Variants in MAGI2 observed in about 807,000 individuals in gnomAD.
The protein encoded by MAGI2 is membrane associated guanylate kinase, WW and PDZ domain containing 2.
A neutral mutation model predicts 133.3 loss-of-function variants in MAGI2; 35 were observed. The observed-to-expected ratio is 0.26, with a 90% CI of 0.20 to 0.35. MAGI2 has a LOEUF of 0.35. MAGI2 is among the 10% of genes least tolerant of loss of function. The pLI, the probability that MAGI2 is intolerant of heterozygous loss-of-function variation, is 1.00. For synonymous variants in MAGI2, 729 were observed against 710.6 expected (o/e 1.03, Z -0.41); for missense variants, 1,636 against 1,863.4 (o/e 0.88, Z 2.25).
At chr7:78,388,315 G>A (rs894535026) in intron 6 of MAGI2, among the ~76,000 whole-genome samples, 2 of 142,370 alleles carry the variant, frequency 1.4e-5, no homozygotes. Flanking sequence ...CATCATCATC[G>A]GTAGTGGTAG....
chr7:78,892,893 C>T (rs1288680858), intron 2 of MAGI2, among the ~76,000 whole-genome samples: 1 of 152,106 alleles, frequency 6.6e-6, no homozygotes, highest in Non-Finnish European at 1.5e-5. Flanking sequence ...TCTAATTAAA[C>T]TAAACAGCTT....
At chr7:79,256,905 A>C (rs1280869470) in intron 1 of MAGI2, among the ~76,000 whole-genome samples, 2 of 152,208 alleles carry the variant, frequency 1.3e-5, no homozygotes, top group African/African-American at 4.8e-5. Context: ...CCTGAATTAG[A>C]AAGAACAACA....
In MAGI2 at chr7:78,691,479, A is replaced by C. The variant is rs189503349; in HGVS notation, c.419-64240T>G. ...AAATAACAGGGTACTTAGATGAATT[A>C]AAACAGGCTCCCTGAAGTGGGTGAG... On this transcript the variant is annotated intron_variant, in intron 2 of 21. Coordinates refer to ENST00000354212, the MANE Select transcript of MAGI2 (RefSeq NM_012301.4). 3.3e-5 allele frequency among the ~76,000 whole-genome samples: 5 copies of C among 152,338 alleles called. No individual in the cohort carries two copies. The East Asian group carries it at 9.6e-4, about 29-fold the overall frequency.
At chr7:79,027,512 T>C (rs896231018) in intron 1 of MAGI2, among the ~76,000 whole-genome samples, 4 of 151,926 alleles carry the variant, frequency 2.6e-5, no homozygotes, top group African/African-American at 9.7e-5. Flanking sequence ...ACTGAACTCA[T>C]AGAAGCCAAG....
chr7:78,327,718 C>A (rs1455006008), intron 9 of MAGI2, among the ~76,000 whole-genome samples: 1 of 152,096 alleles, frequency 6.6e-6, no homozygotes, highest in East Asian at 1.9e-4. Context: ...AATGAATGAG[C>A]AAGTGGATGC....
intron 1 of MAGI2, among the ~76,000 whole-genome samples, chr7:79,183,129 T>C (rs972067010): frequency 2.0e-5 from 3 of 151,850 alleles, no homozygotes; most frequent in African/African-American, 7.3e-5. Flanking sequence ...TTCTAATGTT[T>C]GATAGCAGAG....
At chr7:78,304,753 GT>G (rs1798113373) in intron 9 of MAGI2, among the ~76,000 whole-genome samples, 1 of 152,208 alleles carries the variant, frequency 6.6e-6, no homozygotes, top group African/African-American at 2.4e-5. Context: ...TGGGGGAAGA[GT>G]AGTGGTTGCT....
In MAGI2 at chr7:78,589,710, G is replaced by A. The variant is rs368441521; in HGVS notation, c.538+37410C>T. On this transcript the variant is annotated intron_variant, in intron 3 of 21. Coordinates refer to ENST00000354212, the MANE Select transcript of MAGI2 (RefSeq NM_012301.4). ...ATTGCATTGCAAATGCTCCATGCACGTAGCCATGGTAGAAAGGGTACATGT... is the reference window on the plus strand; with the variant it reads ...ATTGCATTGCAAATGCTCCATGCACATAGCCATGGTAGAAAGGGTACATGT... Among the ~76,000 whole-genome samples the A allele has an allele frequency of 2.6e-5, 4 of 152,162 alleles. No individual in the cohort carries two copies. The South Asian group carries it at 6.2e-4, about 24-fold the overall frequency.
intron 9 of MAGI2, among the ~76,000 whole-genome samples, chr7:78,272,436 TC>T (rs1273699961): frequency 6.6e-6 from 1 of 152,202 alleles, no homozygotes; most frequent in African/African-American, 2.4e-5. Flanking sequence ...GGTGGAGAGT[TC>T]TGTAGATGTC....
intron 1 of MAGI2, among the ~76,000 whole-genome samples, chr7:79,442,040 T>A (rs928442324): frequency 6.6e-6 from 1 of 152,178 alleles, no homozygotes; most frequent in Non-Finnish European, 1.5e-5. Context: ...ATTGTAACAT[T>A]AATATTAGGA....
chr7:78,138,093 G>A (rs1182241839), intron 16 of MAGI2, among the ~76,000 whole-genome samples: 1 of 152,176 alleles, frequency 6.6e-6, no homozygotes, highest in Non-Finnish European at 1.5e-5. Context: ...TAGAACCCTA[G>A]TCTATCAGAT....
chr7:78,507,445 C>A (rs887764654), intron 4 of MAGI2, among the ~76,000 whole-genome samples: 4 of 152,078 alleles, frequency 2.6e-5, no homozygotes, highest in Non-Finnish European at 4.4e-5. Flanking sequence ...CCAAGAAGGT[C>A]CAGGTTCATC....
At chr7:78,110,615 T>C (rs1819262813) in intron 20 of MAGI2, among the ~76,000 whole-genome samples, 2 of 152,192 alleles carry the variant, frequency 1.3e-5, no homozygotes, top group Non-Finnish European at 2.9e-5. Flanking sequence ...TATGGAGAAG[T>C]ACTTAATTCT....
intron 1 of MAGI2, among the ~76,000 whole-genome samples, chr7:79,253,052 A>G (rs1320947287): frequency 6.6e-6 from 1 of 152,214 alleles, no homozygotes; most frequent in Non-Finnish European, 1.5e-5. Flanking sequence ...GTTCTTTATG[A>G]TAGAATATAG....
At chr7:78,517,695 T>C (rs1236636534) in intron 4 of MAGI2, among the ~76,000 whole-genome samples, 1 of 152,186 alleles carries the variant, frequency 6.6e-6, no homozygotes, top group Non-Finnish European at 1.5e-5. Context: ...TGTATTGATT[T>C]CCATTACCAA....
chr7:79,350,657 G>T (rs866984642), intron 1 of MAGI2, among the ~76,000 whole-genome samples: 1 of 152,062 alleles, frequency 6.6e-6, no homozygotes, highest in South Asian at 2.1e-4. Context: ...TATTTAAGAA[G>T]ATGGGCTGAA....
At chr7:78,027,128 G>A (rs1452671436) in intron 21 of MAGI2, among the ~76,000 whole-genome samples, 1 of 152,160 alleles carries the variant, frequency 6.6e-6, no homozygotes, top group African/African-American at 2.4e-5. Context: ...AAACACTGAC[G>A]CTGAATGTCT....
chr7:78,145,629 C>G (rs73366716), intron 16 of MAGI2, among the ~76,000 whole-genome samples: 3 of 152,266 alleles, frequency 2.0e-5, no homozygotes, highest in African/African-American at 7.2e-5. Context: ...CTCCTTTTGC[C>G]ATGGGATGAC....
chr7:79,369,936 G>A (rs7802196), intron 1 of MAGI2, among the ~76,000 whole-genome samples: 3,233 of 152,026 alleles, frequency 0.021, 100 homozygotes, highest in African/African-American at 0.076. Context: ...AGTAAATTTA[G>A]TATGTCATAC....
Sources: allele counts gnomAD v4.1 joint callset (sites outside exome capture counted in the v4.1 genomes callset), GRCh38; gene constraint gnomAD v4.1.1; transcripts MANE v1.5; gene names NCBI Gene and HGNC (gene_info 2026-07-23, HGNC 2026-07-21).